CNTNAP5: variants seen among roughly 807,000 people sequenced by gnomAD.
CNTNAP5 encodes the protein contactin-associated protein-like 5.
Under a neutral mutation model 150.2 loss-of-function variants are expected in CNTNAP5, and 72 were observed. The ratio of observed to expected loss-of-function variants is 0.48; its 90% CI spans 0.40 to 0.58. The LOEUF is 0.58. Ranked by LOEUF, CNTNAP5 falls within the 20% of genes least tolerant of loss-of-function variation. The probability of loss-of-function intolerance (pLI) is 0.00; values close to 1 mark genes in which losing one functional copy is unlikely to be tolerated. For missense variants in CNTNAP5, 1,636 were observed against 1,626.2 expected (o/e 1.01, Z -0.10); for synonymous variants, 672 against 619.8 (o/e 1.08, Z -1.25).
chr2:124,443,384 G>C (rs1439493870), intron 5 of CNTNAP5, among the ~76,000 whole-genome samples: 2 of 151,696 alleles, frequency 1.3e-5, no homozygotes, highest in Admixed American at 1.3e-4. Flanking sequence ...TTTCAGGATA[G>C]ATGAAATAAA....
chr2:124,813,474 G>A (rs1682284512), intron 19 of CNTNAP5, among the ~76,000 whole-genome samples: 2 of 150,836 alleles, frequency 1.3e-5, no homozygotes, highest in African/African-American at 4.9e-5. Flanking sequence ...GCTGGTTACT[G>A]TATCCTGATG....
chr2:124,374,752 T>C (rs1690605969), intron 3 of CNTNAP5, among the ~76,000 whole-genome samples: 1 of 151,982 alleles, frequency 6.6e-6, no homozygotes, highest in African/African-American at 2.4e-5. Context: ...CATTCTCCAA[T>C]GCACACAACC....
At chr2:124,560,700 T>C (rs892986493) in intron 10 of CNTNAP5, among the ~76,000 whole-genome samples, 1 of 152,118 alleles carries the variant, frequency 6.6e-6, no homozygotes, top group Non-Finnish European at 1.5e-5. Context: ...TCACAGCATC[T>C]AATATATATG....
chr2:124,680,356 T>C (rs59409134), intron 13 of CNTNAP5, among the ~76,000 whole-genome samples: 78 of 152,036 alleles, frequency 5.1e-4, no homozygotes, highest in African/African-American at 1.7e-3. Flanking sequence ...TCTACTGGTC[T>C]AAGTCACCTA....
chr2:124,653,718 A>T (rs1678369189), intron 13 of CNTNAP5, among the ~76,000 whole-genome samples: 1 of 151,222 alleles, frequency 6.6e-6, no homozygotes, highest in South Asian at 2.1e-4. Context: ...CAAAACTAAA[A>T]ATGCTTTCTT....
At chr2:124,113,087 A>T (rs1242047666) in intron 1 of CNTNAP5, among the ~76,000 whole-genome samples, 1 of 152,158 alleles carries the variant, frequency 6.6e-6, no homozygotes, top group African/African-American at 2.4e-5. Flanking sequence ...ACAATTTGTT[A>T]TTATCTACTA....
intron 12 of CNTNAP5, among the ~76,000 whole-genome samples, chr2:124,638,419 G>T (rs913743298): frequency 1.3e-5 from 2 of 151,714 alleles, no homozygotes; most frequent in Admixed American, 6.6e-5. Flanking sequence ...TTCTGCCAAG[G>T]GTATATAGTG....
intron 10 of CNTNAP5, among the ~76,000 whole-genome samples, chr2:124,537,276 G>T (rs2104901696): frequency 6.6e-6 from 1 of 152,234 alleles, no homozygotes; most frequent in African/African-American, 2.4e-5. Context: ...GCTGTGGGAA[G>T]GTGCCCCACA....
chr2:124,249,488 T>C (rs1370636148), intron 3 of CNTNAP5, among the ~76,000 whole-genome samples: 3 of 152,176 alleles, frequency 2.0e-5, no homozygotes, highest in Admixed American at 2.0e-4. Flanking sequence ...ACCTGAACAT[T>C]CCTTTCCATT....
chr2:124,099,491 T>C (rs1029431223), intron 1 of CNTNAP5, among the ~76,000 whole-genome samples: 6 of 152,194 alleles, frequency 3.9e-5, no homozygotes, highest in African/African-American at 1.2e-4. Flanking sequence ...AAAGTGACAG[T>C]TGGCATTGTG....
chr2:124,881,458 C>T (rs913061613), intron 21 of CNTNAP5, among the ~76,000 whole-genome samples: 1 of 152,094 alleles, frequency 6.6e-6, no homozygotes, highest in Non-Finnish European at 1.5e-5. Flanking sequence ...TCGTTCTGGT[C>T]TGGCCTGAGC....
intron 8 of CNTNAP5, among the ~76,000 whole-genome samples, chr2:124,507,066 C>T (rs910472064): frequency 9.9e-5 from 15 of 152,090 alleles, no homozygotes; most frequent in Middle Eastern, 3.2e-3. Flanking sequence ...GGAGTCACAA[C>T]GACATACAAA....
intron 17 of CNTNAP5, among the ~76,000 whole-genome samples, chr2:124,774,814 A>G (rs1162390837): frequency 6.6e-6 from 1 of 152,224 alleles, no homozygotes; most frequent in African/African-American, 2.4e-5. Context: ...AAATTTATGT[A>G]GCTACAAAAT....
chr2:124,809,016 A>T (rs1046908346), intron 19 of CNTNAP5, among the ~76,000 whole-genome samples: 1 of 151,996 alleles, frequency 6.6e-6, no homozygotes, highest in Non-Finnish European at 1.5e-5. Context: ...AGAGTCCTTG[A>T]CCATGGAAGA....
At chr2:124,649,346 A>G (rs553851405) in intron 13 of CNTNAP5, among the ~76,000 whole-genome samples, 1 of 152,082 alleles carries the variant, frequency 6.6e-6, no homozygotes, top group South Asian at 2.1e-4. Context: ...TTCTCTCTCC[A>G]TGTCTGTCAA....
chr2:124,225,772 C>G (rs181500323), intron 2 of CNTNAP5, among the ~76,000 whole-genome samples: 267 of 152,254 alleles, frequency 1.8e-3, no homozygotes, highest in Admixed American at 5.6e-3. Flanking sequence ...CAACATCTCT[C>G]CATTTTCTTC....
At chr2:124,582,179 G>A (rs1208869641) in intron 11 of CNTNAP5, among the ~76,000 whole-genome samples, 1 of 152,106 alleles carries the variant, frequency 6.6e-6, no homozygotes, top group African/African-American at 2.4e-5. Flanking sequence ...TCTTTGGATC[G>A]GAAGGCCTCG....
In CNTNAP5 at chr2:124,769,888, C is replaced by T. The variant is rs555910208; in HGVS notation, c.2534-2911C>T. Reference sequence around the variant, plus strand: ...CTCATCTGTAAAAGATTCCCTGTCTCATAAAGTTGTAGCAAGTCTTAGTGA... The same window carrying T: ...CTCATCTGTAAAAGATTCCCTGTCTTATAAAGTTGTAGCAAGTCTTAGTGA... On this transcript the variant is annotated intron_variant, in intron 16 of 23. Transcript: ENST00000682447. 2.6e-5 allele frequency among the ~76,000 whole-genome samples: 4 copies of T among 152,208 alleles called. No homozygotes were observed. The South Asian group carries it at 8.3e-4, about 32-fold the overall frequency.
chr2:124,455,467 C>T (rs1382189584), intron 6 of CNTNAP5, among the ~76,000 whole-genome samples: 1 of 152,040 alleles, frequency 6.6e-6, no homozygotes, highest in Non-Finnish European at 1.5e-5. Flanking sequence ...TTCTACCAGA[C>T]ATTCAAAGAA....
Sources: allele counts gnomAD v4.1 joint callset (sites outside exome capture counted in the v4.1 genomes callset), GRCh38; gene constraint gnomAD v4.1.1; transcripts MANE v1.5; gene names NCBI Gene and HGNC (gene_info 2026-07-23, HGNC 2026-07-21).